TGM2: variants seen among roughly 807,000 people sequenced by gnomAD.
The protein encoded by TGM2 is protein-glutamine gamma-glutamyltransferase 2.
A neutral mutation model predicts 75.6 loss-of-function variants in TGM2; 53 were observed. That is an observed-to-expected ratio of 0.70 (90% CI 0.56 to 0.88). The LOEUF (loss-of-function observed/expected upper bound fraction) is 0.88, where lower values mean the gene tolerates loss of function less well. TGM2 is among the 40% of genes least tolerant of loss of function. The pLI is 0.00. For synonymous variants in TGM2, 374 were observed against 381.1 expected (o/e 0.98, Z 0.22); for missense variants, 842 against 928.5 (o/e 0.91, Z 1.21).
At chr20:38,149,854 G>C (rs752740410) in intron 4 of TGM2, among the ~76,000 whole-genome samples, 1 of 152,066 alleles carries the variant, frequency 6.6e-6, no homozygotes, top group Non-Finnish European at 1.5e-5. Context: ...AGCAGGCTAC[G>C]GGGTTGCTGA....
In TGM2 at chr20:38,141,403, G is replaced by A. The variant is rs531203012; in HGVS notation, c.996-18C>T. On this transcript the variant is annotated intron_variant, in intron 7 of 12. Coordinates refer to ENST00000361475, the MANE Select transcript of TGM2 (RefSeq NM_004613.4). ...GGAAGTTCCTGAGGGGGATAGGGGG[G>A]CGGGAATGAAGCAGAACATGAGCAA... 1.9e-6 allele frequency: 3 copies of A among 1,548,286 alleles called. No homozygotes were observed. Among genetic ancestry groups the A allele is most frequent in the Admixed American group, 3.8e-5 (2 of 52,054 alleles).
intron 8 of TGM2, among the ~76,000 whole-genome samples, chr20:38,140,451 A>G (rs2074957756): frequency 6.6e-6 from 1 of 152,190 alleles, no homozygotes; most frequent in African/African-American, 2.4e-5. Context: ...GGCACTACCA[A>G]CAGAATTCAG....
chr20:38,150,887 G>C (rs2075107526), intron 4 of TGM2, 52 bp downstream of exon 4: 2 of 1,379,432 alleles, frequency 1.4e-6, no homozygotes, highest in Admixed American at 1.7e-5. Flanking sequence ...ACACAGGGCC[G>C]GGCACACAGA....
At chr20:38,161,268 TAA>T (rs1180074929) in intron 2 of TGM2, 150 bp downstream of exon 2, 4 of 1,085,192 alleles carry the variant, frequency 3.7e-6, no homozygotes, top group Non-Finnish European at 5.4e-6. Context: ...CCCTCATCTC[TAA>T]AATGGGGCTG....
intron 2 of TGM2, among the ~76,000 whole-genome samples, chr20:38,160,761 C>T (rs1600520807): frequency 6.6e-6 from 1 of 152,218 alleles, no homozygotes; most frequent in Non-Finnish European, 1.5e-5. Flanking sequence ...CAGTGCCTGG[C>T]TGGGTTGCGT....
At chr20:38,135,430 C>T (rs1356152022) in intron 10 of TGM2, among the ~76,000 whole-genome samples, 1 of 150,900 alleles carries the variant, frequency 6.6e-6, no homozygotes, top group East Asian at 1.9e-4. Context: ...CACACACACA[C>T]ACATACACAC....
chr20:38,153,363 A>G (rs2075138013), intron 3 of TGM2, among the ~76,000 whole-genome samples: 1 of 151,960 alleles, frequency 6.6e-6, no homozygotes. Context: ...TGTCTCTACT[A>G]AAAATACAAA....
chr20:38,132,775 G>A, intron 10 of TGM2: 1 of 542,330 alleles, frequency 1.8e-6, no homozygotes, highest in Non-Finnish European at 3.5e-6. Flanking sequence ...GACCCCGCGT[G>A]AGCCACTCCA....
intron 1 of TGM2, among the ~76,000 whole-genome samples, chr20:38,164,630 T>C (rs1422898871): frequency 6.6e-6 from 1 of 152,146 alleles, no homozygotes; most frequent in Non-Finnish European, 1.5e-5. Context: ...CCTTATTTTA[T>C]AGGTGAGACT....
chr20:38,146,026 G>A (rs978751602), intron 6 of TGM2: 3 of 152,624 alleles, frequency 2.0e-5, no homozygotes, highest in Non-Finnish European at 4.4e-5. Flanking sequence ...CTCATGTCTT[G>A]AGTCTACGTT....
intron 2 of TGM2, among the ~76,000 whole-genome samples, chr20:38,157,536 C>A (rs763285612): frequency 6.6e-6 from 1 of 152,204 alleles, no homozygotes; most frequent in African/African-American, 2.4e-5. Context: ...TGGGAGAGTC[C>A]AATCTCAGGT....
chr20:38,144,017 C>T (rs1008566698), intron 6 of TGM2, among the ~76,000 whole-genome samples: 32 of 152,336 alleles, frequency 2.1e-4, no homozygotes, highest in African/African-American at 7.7e-4. Context: ...CTAAGGCTGC[C>T]CTCAGTGAAG....
chr20:38,166,649 A>G (rs1374611482), upstream of TGM2: 1 of 152,140 alleles, frequency 6.6e-6, no homozygotes, highest in Non-Finnish European at 1.5e-5. Context: ...CTCTACATCT[A>G]TTGATGAATT....
Position 38,130,336 on chromosome 20 carries a change from C to T in TGM2, c.1947G>A (p.Lys649=), listed in dbSNP as rs6023252. The T allele has an allele frequency of 8.1e-6, 13 of 1,603,824 alleles. No individual in the cohort carries two copies. Among genetic ancestry groups the T allele is most frequent in the Admixed American group, 1.7e-5 (1 of 58,028 alleles). Residue 649 remains lysine, a synonymous_variant, in exon 13 of 13, where the codon AAG becomes AAA. Transcript: ENST00000361475. ...GGAGCGGCAGCAGGTCCATTCTCAC[C>T]TTAACTTCCTCCCCTGCCTCCACGG... ...PDPVEAGEEV[K]VRMDLLPLHM...
At position 38,145,073 on chromosome 20, in the gene TGM2, G is replaced by A. The variant is rs141152021; in HGVS notation, c.859+1644C>T. ...TTAGGGCTCTCAGAGGGAAGTGTCT[G>A]GCATGAAGGAGTTTCCACAAGAAAA... On this transcript the variant is annotated intron_variant, in intron 6 of 12. Transcript: ENST00000361475. Among the ~76,000 whole-genome samples, 966 of 152,282 alleles carry A rather than the reference G, an allele frequency of 6.3e-3. 12 individuals carry two copies. The highest frequency in any genetic ancestry group is 0.022 in the African/African-American group (921 of 41,540).
chr20:38,158,796 A>G (rs2075218304), intron 2 of TGM2, among the ~76,000 whole-genome samples: 1 of 152,132 alleles, frequency 6.6e-6, no homozygotes, highest in Admixed American at 6.5e-5. Flanking sequence ...GTTTCCCATC[A>G]CAAGCTACAA....
At chr20:38,139,774 G>T (rs546157461) in intron 8 of TGM2, 120 bp from the exon 9 acceptor site, 1 of 1,335,380 alleles carries the variant, frequency 7.5e-7, no homozygotes, top group Admixed American at 2.0e-5. Context: ...GCCCTCTGAC[G>T]GAAGGACTCC....
intron 11 of TGM2, among the ~76,000 whole-genome samples, chr20:38,131,435 T>G (rs1477044637): frequency 6.7e-6 from 1 of 149,632 alleles, no homozygotes; most frequent in Non-Finnish European, 1.5e-5. Flanking sequence ...TGCATGGAGC[T>G]GCAATGAGGC....
At chr20:38,141,666 C>G (rs1207306607) in intron 7 of TGM2, among the ~76,000 whole-genome samples, 1 of 152,058 alleles carries the variant, frequency 6.6e-6, no homozygotes, top group Non-Finnish European at 1.5e-5. Context: ...TTTCTTGGCT[C>G]CATCCCTTCT....
Sources: allele counts gnomAD v4.1 joint callset (sites outside exome capture counted in the v4.1 genomes callset), GRCh38; gene constraint gnomAD v4.1.1; transcripts MANE v1.5; gene names NCBI Gene and HGNC (gene_info 2026-07-23, HGNC 2026-07-21).